Variants in EML6 observed in about 807,000 individuals in gnomAD.
The protein encoded by EML6 is echinoderm microtubule-associated protein-like 6.
EML6 carries 154 observed loss-of-function variants against 240.1 expected under a neutral mutation model. That is an observed-to-expected ratio of 0.64 (90% CI 0.56 to 0.73). The LOEUF is 0.73. Among genes scored for constraint, EML6 ranks in the 30% least tolerant of loss-of-function variants. The probability of loss-of-function intolerance (pLI) is 0.00; values close to 1 mark genes in which losing one functional copy is unlikely to be tolerated. For synonymous variants in EML6, 1,148 were observed against 899.0 expected, an observed-to-expected ratio of 1.28 and a Z score of -4.95; for missense variants, 2,964 against 2,474.6, an observed-to-expected ratio of 1.20 and a Z score of -4.20.
At chr2:54,926,884 G>T (rs1045189243) in intron 26 of EML6, among the ~76,000 whole-genome samples, 12 of 151,922 alleles carry the variant, frequency 7.9e-5, no homozygotes, top group African/African-American at 2.9e-4. Flanking sequence ...TTGCCATCTA[G>T]AAACCCTGTG....
chr2:54,824,594 GC>G (rs1160120080), intron 5 of EML6, among the ~76,000 whole-genome samples: 1 of 151,956 alleles, frequency 6.6e-6, no homozygotes, highest in Non-Finnish European at 1.5e-5. Flanking sequence ...ATCCTTTTTG[GC>G]TTTGTAAATC....
chr2:54,846,394 T>G (rs1346862642), intron 8 of EML6, among the ~76,000 whole-genome samples: 1 of 151,798 alleles, frequency 6.6e-6, no homozygotes, highest in African/African-American at 2.4e-5. Flanking sequence ...TGTAGATATA[T>G]AGATATATAT....
intron 6 of EML6, 59 bp downstream of exon 6, chr2:54,827,810 T>A (rs1389449302): frequency 1.7e-6 from 2 of 1,200,250 alleles, no homozygotes; most frequent in African/African-American, 3.0e-5. Context: ...AGACCACGAA[T>A]CCCTCCCTGT....
At chr2:54,903,693 T>G (rs940532149) in intron 24 of EML6, among the ~76,000 whole-genome samples, 191 bp downstream of exon 24, 1 of 152,238 alleles carries the variant, frequency 6.6e-6, no homozygotes, top group African/African-American at 2.4e-5. Flanking sequence ...TTCCATCTTT[T>G]TACGCTTAGG....
Position 54,847,624 on chromosome 2 carries a change from G to A in EML6, c.1187+1G>A, listed in dbSNP as rs916127995. 2 of 1,552,020 alleles carry A rather than the reference G, an allele frequency of 1.3e-6. No individual in the cohort carries two copies. The highest frequency in any genetic ancestry group is 2.0e-5 in the Admixed American group (1 of 50,968). On this transcript the variant is annotated splice_donor_variant, in intron 9 of 41. Coordinates refer to ENST00000356458, the MANE Select transcript of EML6 (RefSeq NM_001039753.4). LOFTEE classifies it high-confidence loss of function. Reference sequence around the variant, plus strand: ...GCTCTTTCATTGTTCTCCGAGTCAGGCACGTACTGATGTTGAAAATGGTAT... The same window carrying A: ...GCTCTTTCATTGTTCTCCGAGTCAGACACGTACTGATGTTGAAAATGGTAT...
At chr2:54,886,160 CTTT>C (rs869107962) in intron 17 of EML6, among the ~76,000 whole-genome samples, 71 of 82,208 alleles carry the variant, frequency 8.6e-4, no homozygotes, top group East Asian at 1.9e-3. Flanking sequence ...TTTTAACCTT[CTTT>C]TTTTTTTTTT....
chr2:54,961,184 G>GTTGTTTTTTGTTTTTTTT, intron 35 of EML6, among the ~76,000 whole-genome samples: 1 of 55,424 alleles, frequency 1.8e-5, no homozygotes, highest in Non-Finnish European at 3.2e-5. Context: ...TCAGGAAGTA[G>GTTGTTTTTTGTTTTTTTT]TTTTTTTTTT....
intron 2 of EML6, among the ~76,000 whole-genome samples, chr2:54,749,360 A>G (rs1198832389): frequency 2.6e-5 from 4 of 152,144 alleles, no homozygotes; most frequent in Non-Finnish European, 1.5e-5. Flanking sequence ...TTCAAATATA[A>G]TAATCTTATA....
chr2:54,813,394 G>A lies in EML6; in HGVS notation c.357+3G>A. On this transcript the variant is annotated splice_donor_region_variant and intron_variant, in intron 3 of 41. Coordinates refer to ENST00000356458, the MANE Select transcript of EML6 (RefSeq NM_001039753.4). ...TGGCTTTTGACTCAGATGGACAGGTGTGTATCTTTTTTTAGTTGTTTTATT... is the reference window on the plus strand; with the variant it reads ...TGGCTTTTGACTCAGATGGACAGGTATGTATCTTTTTTTAGTTGTTTTATT... 1 of 1,549,832 alleles carries A rather than the reference G, an allele frequency of 6.5e-7. No homozygotes were observed. Among genetic ancestry groups the A allele is most frequent in the Non-Finnish European group, 8.7e-7 (1 of 1,145,786 alleles).
Position 54,903,514 on chromosome 2 carries a change from T to C in EML6, c.3409+12T>C. ...CTGGGACTCTAGAGGTAAAGTATGT[T>C]GTGGCTTTTAAAATAGAATTTCTGT... On this transcript the variant is annotated intron_variant, in intron 24 of 41. Transcript: ENST00000356458. 1.3e-6 allele frequency: 2 copies of C among 1,536,498 alleles called. No homozygotes were observed. Among genetic ancestry groups the C allele is most frequent in the Non-Finnish European group, 1.8e-6 (2 of 1,140,784 alleles).
chr2:54,966,053 C>G (rs2588511), intron 38 of EML6, among the ~76,000 whole-genome samples: 62,348 of 152,158 alleles, frequency 0.41, 14,275 homozygotes, highest in East Asian at 0.65. Context: ...TTCACTGTCT[C>G]AATCATAATT....
In EML6 at chr2:54,866,820, G is replaced by A. The variant is rs754832102; in HGVS notation, c.1987G>A (p.Ala663Thr). The part of the protein sequence containing the change: ...LKQQSKEKNH[A>T]VPFLKREKAP... ...GCAACAAAGTAAAGAGAAAAACCAC[G>A]CAGTGCCCTTCCTCAAACGAGAAAA... Residue 663 changes from alanine to threonine, a missense_variant, in exon 14 of 42, where the codon GCA becomes ACA. Physicochemically the swap from Ala to Thr is moderately conservative, Grantham distance 58. Transcript: ENST00000356458. 7.7e-6 allele frequency: 12 copies of A among 1,551,248 alleles called. No individual in the cohort carries two copies. The highest frequency in any genetic ancestry group is 2.0e-5 in the Admixed American group (1 of 50,998).
At chr2:54,728,626 G>A (rs1200282516) in intron 2 of EML6, among the ~76,000 whole-genome samples, 1 of 152,196 alleles carries the variant, frequency 6.6e-6, no homozygotes, top group Admixed American at 6.5e-5. Context: ...TACCTAAACT[G>A]CAGAGTTGTA....
chr2:54,970,295 G>T lies in EML6; in HGVS notation c.*200G>T. The T allele has an allele frequency of 1.6e-6, 1 of 609,970 alleles. No homozygotes were observed. The allele number at this position is 609,970 out of a possible 1,614,324, so 37.8% of individuals were successfully genotyped here. A position where few individuals can be genotyped will look rare whatever the true frequency, so the allele number is the denominator to read the frequency against. On this transcript the variant is annotated 3_prime_UTR_variant, in exon 42 of 42. Transcript: ENST00000356458. ...CCAAAACCGTGATGCCACGAAGGAA[G>T]GTCAAGTTTTAAAATGTTAAAGACT...
chr2:54,761,715 A>G (rs1667991455), intron 2 of EML6, among the ~76,000 whole-genome samples: 1 of 152,204 alleles, frequency 6.6e-6, no homozygotes, highest in South Asian at 2.1e-4. Context: ...AGTTTAAAAT[A>G]TAAGTCTATT....
chr2:54,850,435 A>G, intron 10 of EML6: 1 of 531,306 alleles, frequency 1.9e-6, no homozygotes, highest in Non-Finnish European at 3.3e-6. Flanking sequence ...AACATGTTAA[A>G]CTAAAAGTTG....
chr2:54,760,538 A>C (rs1667930763), intron 2 of EML6, among the ~76,000 whole-genome samples: 1 of 152,102 alleles, frequency 6.6e-6, no homozygotes, highest in South Asian at 2.1e-4. Context: ...TTTCAGTTTC[A>C]ATATAGCCTA....
At chr2:54,833,904 G>A (rs1271761808) in intron 7 of EML6, among the ~76,000 whole-genome samples, 1 of 152,184 alleles carries the variant, frequency 6.6e-6, no homozygotes, top group East Asian at 1.9e-4. Context: ...AGCAAAACTT[G>A]ACCTGATATG....
chr2:54,938,122 G>A (rs1337950432), intron 28 of EML6, among the ~76,000 whole-genome samples: 3 of 152,200 alleles, frequency 2.0e-5, no homozygotes, highest in African/African-American at 7.2e-5. Flanking sequence ...GAGGCGGGCA[G>A]ATCACCTGAG....
Sources: allele counts gnomAD v4.1 joint callset (sites outside exome capture counted in the v4.1 genomes callset), GRCh38; gene constraint gnomAD v4.1.1; transcripts MANE v1.5; gene names NCBI Gene and HGNC (gene_info 2026-07-23, HGNC 2026-07-21).